Variants in TMEM43 observed in about 807,000 individuals in gnomAD.
TMEM43 encodes the protein arrhythmogenic right ventricular dysplasia 5.
A neutral mutation model predicts 49.6 loss-of-function variants in TMEM43; 45 were observed. That is an observed-to-expected ratio of 0.91 (90% CI 0.71 to 1.16). The LOEUF is 1.16. Among genes scored for constraint, TMEM43 ranks in the 50% most tolerant of loss-of-function variants. The probability of loss-of-function intolerance (pLI) is 0.00; values close to 1 mark genes in which losing one functional copy is unlikely to be tolerated. For missense variants in TMEM43, 532 were observed against 516.6 expected (o/e 1.03, Z -0.29); for synonymous variants, 199 against 207.8 (o/e 0.96, Z 0.36).
chr3:14,136,306 T>C (rs756204921), intron 10 of TMEM43, among the ~76,000 whole-genome samples: 4 of 152,250 alleles, frequency 2.6e-5, no homozygotes, highest in Non-Finnish European at 5.9e-5. Flanking sequence ...TTTGGAGCAC[T>C]TCAGCATTTG....
intron 11 of TMEM43, among the ~76,000 whole-genome samples, chr3:14,139,917 C>T (rs144188370): frequency 8.8e-4 from 134 of 152,214 alleles, no homozygotes; most frequent in African/African-American, 2.9e-3. Flanking sequence ...TCTGAGTGCC[C>T]AGGGTGACTA....
chr3:14,138,314 G>T (rs545237994), intron 10 of TMEM43, among the ~76,000 whole-genome samples: 9 of 152,306 alleles, frequency 5.9e-5, no homozygotes, highest in Admixed American at 3.3e-4. Flanking sequence ...CGGTGTCCGG[G>T]GGGTGTGGCA....
Position 14,133,773 on chromosome 3 carries a change from C to G in TMEM43, c.547C>G (p.Pro183Ala), listed in dbSNP as rs199579142. The G allele has an allele frequency of 6.2e-7, 1 of 1,614,176 alleles. No individual in the cohort carries two copies. Among genetic ancestry groups the G allele is most frequent in the African/African-American group, 1.3e-5 (1 of 75,046 alleles). Residue 183 changes from proline (P) to alanine (A), a missense_variant, in exon 7 of 12, where the codon CCC becomes GCC. Physicochemically the swap from Pro to Ala is conservative, Grantham distance 27. Coordinates refer to ENST00000306077, the MANE Select transcript of TMEM43 (RefSeq NM_024334.3). ...AGTGGAGTCATTCATGGCAACAGCC[C>G]CCTTTGTCCAAATTGGCAGGTTTTT... ...MAVESFMATA[P>A]FVQIGRFFLS...
intron 1 of TMEM43, among the ~76,000 whole-genome samples, chr3:14,127,999 T>A (rs1037168852): frequency 6.6e-6 from 1 of 152,080 alleles, no homozygotes; most frequent in African/African-American, 2.4e-5. Context: ...CTGGTAACAT[T>A]TCTACTAGCT....
chr3:14,133,567 G>T (rs1049840864), intron 6 of TMEM43, among the ~76,000 whole-genome samples, 172 bp from the exon 7 acceptor site: 5 of 152,172 alleles, frequency 3.3e-5, no homozygotes, highest in African/African-American at 7.2e-5. Flanking sequence ...CAGCCCAGGG[G>T]AGGGGGCACA....
At chr3:14,135,068 G>C (rs1695149643) in intron 8 of TMEM43, 90 bp from the exon 9 acceptor site, 14 of 1,485,550 alleles carry the variant, frequency 9.4e-6, no homozygotes, top group Non-Finnish European at 1.2e-5. Context: ...GGTGGGAGAA[G>C]AGCCTGAGGG....
At chr3:14,134,983 C>T in intron 8 of TMEM43, 92 bp downstream of exon 8, 1 of 1,588,536 alleles carries the variant, frequency 6.3e-7, no homozygotes, top group African/African-American at 1.3e-5. Context: ...GTCGCATGCA[C>T]AGCTGCACTT....
intron 11 of TMEM43, among the ~76,000 whole-genome samples, chr3:14,141,333 C>CA (rs1169823599): frequency 3.3e-5 from 5 of 152,204 alleles, no homozygotes; most frequent in Non-Finnish European, 7.3e-5. Flanking sequence ...TTAAAGTTTA[C>CA]AAAGCACTGC....
intron 1 of TMEM43, among the ~76,000 whole-genome samples, chr3:14,127,693 T>C (rs1050486998): frequency 6.6e-6 from 1 of 152,232 alleles, no homozygotes; most frequent in Non-Finnish European, 1.5e-5. Context: ...ATCATTGTGA[T>C]GGTCACCTGC....
rs576324845 is a variant in TMEM43, at chr3:14,130,994, G to A, written c.297+38G>A. 210 of 1,593,104 alleles carry A rather than the reference G, an allele frequency of 1.3e-4. 1 individual carries two copies. The South Asian group carries it at 2.1e-3, about 16-fold the overall frequency. On this transcript the variant is annotated intron_variant, in intron 3 of 11. Coordinates refer to ENST00000306077, the MANE Select transcript of TMEM43 (RefSeq NM_024334.3). ...GGGGATGCTGACCTGCCAGTGGCTC[G>A]GGGCTCATCCTGGATGTTGTCTGGC...
intron 6 of TMEM43, among the ~76,000 whole-genome samples, chr3:14,133,466 C>T (rs1054554817): frequency 6.6e-6 from 1 of 152,148 alleles, no homozygotes; most frequent in Non-Finnish European, 1.5e-5. Context: ...CAAGATACAT[C>T]TGACAGCAGT....
intron 7 of TMEM43, among the ~76,000 whole-genome samples, 169 bp from the exon 8 acceptor site, chr3:14,134,601 C>A (rs915128582): frequency 2.6e-5 from 4 of 152,180 alleles, no homozygotes; most frequent in African/African-American, 9.7e-5. Flanking sequence ...AGGAGATGGT[C>A]TAACCCAGGG....
At chr3:14,140,179 G>T (rs1026112323) in intron 11 of TMEM43, among the ~76,000 whole-genome samples, 1 of 152,226 alleles carries the variant, frequency 6.6e-6, no homozygotes, top group Admixed American at 6.5e-5. Flanking sequence ...CTCTCCCTGA[G>T]CCTTTCTTTG....
At chr3:14,126,468 A>G (rs892677966) in intron 1 of TMEM43, among the ~76,000 whole-genome samples, 3 of 152,152 alleles carry the variant, frequency 2.0e-5, no homozygotes, top group African/African-American at 4.8e-5. Flanking sequence ...ATATGCTGAA[A>G]AGGGCAGGCT....
At chr3:14,127,920 T>C (rs1695040353) in intron 1 of TMEM43, among the ~76,000 whole-genome samples, 1 of 152,142 alleles carries the variant, frequency 6.6e-6, no homozygotes, top group Non-Finnish European at 1.5e-5. Context: ...GGGCCCCACT[T>C]TACATCTTTG....
At chr3:14,126,413 C>T (rs756050734) in intron 1 of TMEM43, among the ~76,000 whole-genome samples, 14 of 152,194 alleles carry the variant, frequency 9.2e-5, no homozygotes, top group Non-Finnish European at 1.6e-4. Context: ...GGGGAAGGCA[C>T]TTGCCCAAGC....
chr3:14,131,619 G>A lies in TMEM43; in HGVS notation c.337G>A (p.Val113Met), dbSNP rs572474708. The A allele has an allele frequency of 3.0e-5, 49 of 1,614,238 alleles. No homozygotes were observed. In the South Asian group the frequency reaches 5.3e-4, roughly 17 times the overall value. The change falls in exon 4 of 12, where the codon GTG becomes ATG. Residue 113 changes from valine (V) to methionine (M), a missense_variant. Transcript: ENST00000306077. ...AAACTATGGGGTCCATCTTCCGGCT[G>A]TGAAACTGCGGAGGCACGTGGAGAT... ...DPNYGVHLPA[V>M]KLRRHVEMYQ...
At chr3:14,132,502 G>A (rs573490765) in intron 4 of TMEM43, 44 bp from the exon 5 acceptor site, 2 of 1,611,568 alleles carry the variant, frequency 1.2e-6, no homozygotes, top group East Asian at 2.2e-5. Flanking sequence ...AGACTGCCTG[G>A]GGCGACGAGG....
At chr3:14,133,324 A>G (rs1050265379) in intron 6 of TMEM43, among the ~76,000 whole-genome samples, 3 of 152,202 alleles carry the variant, frequency 2.0e-5, no homozygotes, top group African/African-American at 7.2e-5. Context: ...ACGGCATGCC[A>G]GTGGTGAGGC....
Sources: allele counts gnomAD v4.1 joint callset (sites outside exome capture counted in the v4.1 genomes callset), GRCh38; gene constraint gnomAD v4.1.1; transcripts MANE v1.5; gene names NCBI Gene and HGNC (gene_info 2026-07-23, HGNC 2026-07-21).